The following NCOA1 variants were observed in gnomAD, a reference collection of about 807,000 sequenced individuals.
NCOA1 encodes the protein Hin-2 protein.
Under a neutral mutation model 150.9 loss-of-function variants are expected in NCOA1, and 35 were observed. That is an observed-to-expected ratio of 0.23 (90% CI 0.18 to 0.31). The LOEUF (loss-of-function observed/expected upper bound fraction) is 0.31. NCOA1 is among the 10% of genes least tolerant of loss of function. The pLI, the probability that NCOA1 is intolerant of heterozygous loss-of-function variation, is 1.00. For synonymous variants in NCOA1, 590 were observed against 630.0 expected (o/e 0.94, Z 0.95); for missense variants, 1,491 against 1,749.3 (o/e 0.85, Z 2.63).
intron 6 of NCOA1, among the ~76,000 whole-genome samples, chr2:24,671,562 C>G (rs1671683788): frequency 1.3e-5 from 2 of 152,002 alleles, no homozygotes; most frequent in African/African-American, 4.8e-5. Flanking sequence ...ATAATTGATC[C>G]TGTCATGTAC....
At chr2:24,536,597 T>C (rs917989264) in intron 1 of NCOA1, among the ~76,000 whole-genome samples, 1 of 152,278 alleles carries the variant, frequency 6.6e-6, no homozygotes, top group East Asian at 1.9e-4. Context: ...TTTATCTACC[T>C]TTGGTCTTTA....
chr2:24,581,832 T>C (rs1443280705), intron 2 of NCOA1, among the ~76,000 whole-genome samples: 4 of 152,166 alleles, frequency 2.6e-5, no homozygotes, highest in Admixed American at 6.5e-5. Flanking sequence ...TGATTCATCA[T>C]ATCAACAGAA....
rs999147147 is a variant in NCOA1 at position 24,491,537 on chromosome 2, G to C, written c.-461G>C. 4.6e-4 allele frequency among the ~76,000 whole-genome samples: 1 copy of C among 2,194 alleles called. No homozygotes were observed. The highest frequency in any genetic ancestry group is 1.1e-3 in the Non-Finnish European group (1 of 884). The allele number at this position is 2,194 out of a possible 152,430, so 1.4% of individuals were successfully genotyped here. ...CCGAGGAGCGGCGGAGGCCGGGGCG[G>C]CGCCGCCGCCACGGTCGCGGACGAG... is the stretch of plus-strand genomic sequence containing the variant. On this transcript the variant is annotated 5_prime_UTR_variant, in exon 1 of 23. Coordinates refer to ENST00000348332, the MANE Select transcript of NCOA1 (RefSeq NM_003743.5).
intron 3 of NCOA1, among the ~76,000 whole-genome samples, chr2:24,604,549 C>T (rs1474214636): frequency 6.6e-6 from 1 of 152,232 alleles, no homozygotes; most frequent in East Asian, 1.9e-4. Flanking sequence ...GTTATGGAGA[C>T]AGCTTCTTTA....
intron 1 of NCOA1, among the ~76,000 whole-genome samples, chr2:24,518,647 A>G (rs1664302860): frequency 6.6e-6 from 1 of 152,210 alleles, no homozygotes; most frequent in Admixed American, 6.5e-5. Flanking sequence ...TAGAAGATCA[A>G]TATGTAGACA....
intron 1 of NCOA1, among the ~76,000 whole-genome samples, chr2:24,499,232 T>TA (rs1199143332): frequency 6.6e-6 from 1 of 152,202 alleles, no homozygotes; most frequent in African/African-American, 2.4e-5. Context: ...CAAAAATAGA[T>TA]ACATCTATTT....
At chr2:24,577,139 T>C (rs189020158) in intron 2 of NCOA1, among the ~76,000 whole-genome samples, 7 of 152,300 alleles carry the variant, frequency 4.6e-5, no homozygotes, top group Admixed American at 3.3e-4. Context: ...CACAGTAATG[T>C]TTAGGCTCTT....
chr2:24,694,489 A>G (rs1290500562), intron 10 of NCOA1, among the ~76,000 whole-genome samples: 2 of 152,160 alleles, frequency 1.3e-5, no homozygotes, highest in Non-Finnish European at 2.9e-5. Context: ...TTCATTATGT[A>G]TTAATTTTTT....
chr2:24,544,488 A>AT (rs946568329), intron 1 of NCOA1, among the ~76,000 whole-genome samples: 2 of 152,158 alleles, frequency 1.3e-5, no homozygotes, highest in African/African-American at 4.8e-5. Context: ...CATGCCTGTA[A>AT]CCCCAGCACT....
At chr2:24,517,571 C>T (rs1377651746) in intron 1 of NCOA1, among the ~76,000 whole-genome samples, 1 of 152,140 alleles carries the variant, frequency 6.6e-6, no homozygotes, top group African/African-American at 2.4e-5. Flanking sequence ...GCTAATTTAC[C>T]TAGCAAGCGT....
Position 24,678,274 on chromosome 2 carries a change from T to C in NCOA1, c.355-4677T>C, listed in dbSNP as rs1307821944. ...TGGTGTATATGTACCACATTTTCTT[T>C]ATCCAGTCTATCATTGATGGGCATT... On this transcript the variant is annotated intron_variant, in intron 7 of 22. Transcript: ENST00000348332. 2.6e-5 allele frequency among the ~76,000 whole-genome samples: 4 copies of C among 152,342 alleles called. No homozygotes were observed. The East Asian group carries it at 7.7e-4, about 29-fold the overall frequency.
At chr2:24,726,834 TAAA>T (rs5829933) in intron 15 of NCOA1, 128 bp downstream of exon 15, 206 of 204,210 alleles carry the variant, frequency 1.0e-3, no homozygotes, top group Middle Eastern at 3.0e-3. Flanking sequence ...AAATACTTAC[TAAA>T]AAAAAAAAAA....
At chr2:24,525,357 A>G (rs1429990307) in intron 1 of NCOA1, among the ~76,000 whole-genome samples, 1 of 152,140 alleles carries the variant, frequency 6.6e-6, no homozygotes, top group Non-Finnish European at 1.5e-5. Flanking sequence ...ATAAAATGAT[A>G]ATAAATGACT....
intron 14 of NCOA1, among the ~76,000 whole-genome samples, chr2:24,721,586 C>T (rs908636124): frequency 1.3e-5 from 2 of 152,194 alleles, no homozygotes; most frequent in Non-Finnish European, 2.9e-5. Context: ...CCTAGCACCC[C>T]CTTTGGGAGA....
intron 4 of NCOA1, among the ~76,000 whole-genome samples, chr2:24,656,362 A>C (rs909418166): frequency 6.6e-6 from 1 of 152,104 alleles, no homozygotes; most frequent in Non-Finnish European, 1.5e-5. Flanking sequence ...ATAATAATTG[A>C]ACATATTTAT....
chr2:24,509,849 ATATTT>A (rs758280116), intron 1 of NCOA1, among the ~76,000 whole-genome samples: 12 of 152,208 alleles, frequency 7.9e-5, no homozygotes, highest in Non-Finnish European at 1.6e-4. Context: ...TGAATGTATA[ATATTT>A]TATCTCTTTA....
intron 8 of NCOA1, among the ~76,000 whole-genome samples, chr2:24,687,452 TATTTC>T (rs1388908430): frequency 3.3e-5 from 5 of 152,118 alleles, no homozygotes; most frequent in Non-Finnish European, 7.4e-5. Context: ...TTGTACAGAT[TATTTC>T]ATCACCCAGT....
chr2:24,655,385 A>G (rs545451289), intron 4 of NCOA1, among the ~76,000 whole-genome samples: 1 of 152,328 alleles, frequency 6.6e-6, no homozygotes, highest in East Asian at 1.9e-4. Flanking sequence ...AATTTTATTT[A>G]TATGTAGATC....
At chr2:24,645,531 A>T (rs989790144) in intron 4 of NCOA1, among the ~76,000 whole-genome samples, 10 of 150,270 alleles carry the variant, frequency 6.7e-5, no homozygotes, top group African/African-American at 1.9e-4. Context: ...AAAAAAAAAA[A>T]TTTCATCAGT....
Sources: allele counts gnomAD v4.1 joint callset (sites outside exome capture counted in the v4.1 genomes callset), GRCh38; gene constraint gnomAD v4.1.1; transcripts MANE v1.5; gene names NCBI Gene and HGNC (gene_info 2026-07-23, HGNC 2026-07-21).